The following GLIS3 variants were observed in gnomAD, a reference collection of about 807,000 sequenced individuals.
GLIS3 encodes the protein zinc finger protein GLIS3.
In GLIS3, 53 loss-of-function variants were observed where a neutral mutation model predicts 78.6. The observed-to-expected ratio is 0.67, with a 90% confidence interval of 0.54 to 0.85. GLIS3 has a LOEUF of 0.85. Ranked by LOEUF, GLIS3 falls within the 40% of genes least tolerant of loss-of-function variation. The pLI is 0.00. For synonymous variants in GLIS3, 684 were observed against 509.9 expected, an observed-to-expected ratio of 1.34 and a Z score of -4.60; for missense variants, 1,703 against 1,231.1, an observed-to-expected ratio of 1.38 and a Z score of -5.74.
At chr9:4,444,058 T>C in the GLIS3 span, among the ~76,000 whole-genome samples, 13 of 151,888 alleles carry the variant, frequency 8.6e-5, no homozygotes, top group African/African-American at 3.1e-4. Flanking sequence ...AAATAAGGAG[T>C]GGGACCATGG....
chr9:4,211,631 G>A (rs138229839), intron 2 of GLIS3, among the ~76,000 whole-genome samples: 1 of 152,294 alleles, frequency 6.6e-6, no homozygotes, highest in African/African-American at 2.4e-5. Flanking sequence ...TTCTTAAAAC[G>A]TTAAATTTAA....
intron 2 of GLIS3, among the ~76,000 whole-genome samples, chr9:4,200,335 C>T (rs1363614263): frequency 1.3e-5 from 2 of 151,250 alleles, no homozygotes; most frequent in Non-Finnish European, 3.0e-5. Context: ...AATTGAGACC[C>T]AGAAATCCAT....
chr9:4,365,940 A>G, the GLIS3 span, among the ~76,000 whole-genome samples: 13 of 152,226 alleles, frequency 8.5e-5, no homozygotes, highest in Non-Finnish European at 1.8e-4. Flanking sequence ...GAGTCTATTC[A>G]AATCAGTTTA....
intron 4 of GLIS3, among the ~76,000 whole-genome samples, chr9:3,953,795 C>CTCTCTCTCTATATATATATATATATA (rs1403671770): frequency 2.7e-5 from 2 of 73,344 alleles, no homozygotes; most frequent in African/African-American, 1.1e-4. Flanking sequence ...CTCTCTCTCT[C>CTCTCTCTCTATATATATATATATATA]TATATATATA....
intron 4 of GLIS3, among the ~76,000 whole-genome samples, chr9:4,065,257 C>T (rs1037002246): frequency 6.6e-6 from 1 of 152,184 alleles, no homozygotes; most frequent in Non-Finnish European, 1.5e-5. Flanking sequence ...CAGAGCCCTG[C>T]TGTGCTAGCA....
At chr9:4,204,101 A>C (rs1261082571) in intron 2 of GLIS3, among the ~76,000 whole-genome samples, 1 of 152,224 alleles carries the variant, frequency 6.6e-6, no homozygotes, top group Non-Finnish European at 1.5e-5. Flanking sequence ...ATAAAAGTTG[A>C]AATTACTTAA....
At chr9:4,409,231 A>G in the GLIS3 span, among the ~76,000 whole-genome samples, 1 of 152,184 alleles carries the variant, frequency 6.6e-6, no homozygotes, top group African/African-American at 2.4e-5. Context: ...AATGGTTATT[A>G]TCAGCTTTGC....
chr9:3,979,043 T>C (rs1021276126), intron 4 of GLIS3, among the ~76,000 whole-genome samples: 1 of 152,202 alleles, frequency 6.6e-6, no homozygotes, highest in African/African-American at 2.4e-5. Context: ...TGGGCACCCA[T>C]GGATTTTGGT....
At chr9:4,246,911 T>C (rs1368252569) in intron 2 of GLIS3, among the ~76,000 whole-genome samples, 2 of 152,230 alleles carry the variant, frequency 1.3e-5, no homozygotes, top group Non-Finnish European at 2.9e-5. Flanking sequence ...CTTTTTCACA[T>C]TGTTTACCCA....
rs148280339 is a variant in GLIS3 at position 4,156,758 on chromosome 9, C to A, written c.389-30817G>T. 1.7e-3 allele frequency among the ~76,000 whole-genome samples: 261 copies of A among 152,064 alleles called. 1 individual carries two copies. The highest frequency in any genetic ancestry group is 6.1e-3 in the African/African-American group (254 of 41,454). ...CATGCCCTTATCTGATGAGGAGGACCCTGGATATGCTGAAGAACAGAAACA... is the reference window on the plus strand; with the variant it reads ...CATGCCCTTATCTGATGAGGAGGACACTGGATATGCTGAAGAACAGAAACA... On this transcript the variant is annotated intron_variant, in intron 2 of 10. Coordinates refer to ENST00000381971, the MANE Select transcript of GLIS3 (RefSeq NM_001042413.2).
At chr9:4,371,230 GC>G in the GLIS3 span, among the ~76,000 whole-genome samples, 2 of 152,240 alleles carry the variant, frequency 1.3e-5, no homozygotes. Context: ...CTGATTCAGC[GC>G]TTGCTCAGGA....
At chr9:4,343,742 C>G (rs1002256759) in intron 2 of GLIS3, among the ~76,000 whole-genome samples, 3 of 152,132 alleles carry the variant, frequency 2.0e-5, no homozygotes, top group Non-Finnish European at 4.4e-5. Flanking sequence ...CATAAAAAAA[C>G]AATGAGATCT....
intron 9 of GLIS3, among the ~76,000 whole-genome samples, chr9:3,831,242 G>T (rs745456374): frequency 3.9e-5 from 6 of 152,162 alleles, no homozygotes; most frequent in Admixed American, 6.5e-5. Context: ...GCCAGAAGAA[G>T]AAAGAATGGA....
At chr9:4,142,550 G>A (rs1189357147) in intron 2 of GLIS3, among the ~76,000 whole-genome samples, 2 of 152,078 alleles carry the variant, frequency 1.3e-5, no homozygotes, top group Non-Finnish European at 2.9e-5. Flanking sequence ...ACATTCTGTA[G>A]CAAAACAAAA....
At chr9:4,317,808 A>C (rs1276199845) in intron 2 of GLIS3, among the ~76,000 whole-genome samples, 1 of 152,202 alleles carries the variant, frequency 6.6e-6, no homozygotes, top group Non-Finnish European at 1.5e-5. Context: ...AATTCAAACC[A>C]TTGAGAGTGA....
At chr9:4,215,526 C>A (rs1296546772) in intron 2 of GLIS3, among the ~76,000 whole-genome samples, 1 of 152,130 alleles carries the variant, frequency 6.6e-6, no homozygotes, top group African/African-American at 2.4e-5. Context: ...AGAAAAGATT[C>A]CTGAATTTCC....
chr9:4,058,368 G>C (rs1826320751), intron 4 of GLIS3, among the ~76,000 whole-genome samples: 1 of 151,624 alleles, frequency 6.6e-6, no homozygotes, highest in Non-Finnish European at 1.5e-5. Context: ...AGAAATCACA[G>C]CTCTATTCAA....
chr9:4,170,510 T>C (rs1214608295), intron 2 of GLIS3, among the ~76,000 whole-genome samples: 1 of 152,162 alleles, frequency 6.6e-6, no homozygotes, highest in Non-Finnish European at 1.5e-5. Context: ...CCATGTACAG[T>C]GTATGGAAGT....
At chr9:4,423,824 C>G in the GLIS3 span, among the ~76,000 whole-genome samples, 8 of 152,284 alleles carry the variant, frequency 5.3e-5, no homozygotes, top group East Asian at 1.5e-3. Flanking sequence ...TTCACACAAA[C>G]ACATACTTAT....
Sources: allele counts gnomAD v4.1 joint callset (sites outside exome capture counted in the v4.1 genomes callset), GRCh38; gene constraint gnomAD v4.1.1; transcripts MANE v1.5; gene names NCBI Gene and HGNC (gene_info 2026-07-23, HGNC 2026-07-21).